Variants in DRD3 observed in about 807,000 individuals in gnomAD.
DRD3 encodes D(3) dopamine receptor.
Under a neutral mutation model 36.3 loss-of-function variants are expected in DRD3, and 19 were observed. That is an observed-to-expected ratio of 0.52 (90% CI 0.36 to 0.77). The LOEUF (loss-of-function observed/expected upper bound fraction) is 0.77. Ranked by LOEUF, DRD3 falls within the 30% of genes least tolerant of loss-of-function variation. The pLI is 0.00. For synonymous variants in DRD3, 195 were observed against 203.7 expected, an observed-to-expected ratio of 0.96 and a Z score of 0.36; for missense variants, 465 against 505.3, an observed-to-expected ratio of 0.92 and a Z score of 0.77.
chr3:114,147,766 G>A (rs554837961), intron 3 of DRD3, among the ~76,000 whole-genome samples: 12 of 152,180 alleles, frequency 7.9e-5, no homozygotes, highest in Non-Finnish European at 1.6e-4. Flanking sequence ...ATATGCCTGT[G>A]CCGCCACCAC....
intron 1 of DRD3, among the ~76,000 whole-genome samples, chr3:114,186,872 C>CT (rs1491486512): frequency 6.6e-6 from 1 of 152,164 alleles, no homozygotes; most frequent in Non-Finnish European, 1.5e-5. Context: ...AAATCATCCC[C>CT]TTTTTTCCAT....
chr3:114,144,128 C>G (rs2077550699), intron 4 of DRD3, among the ~76,000 whole-genome samples: 5 of 152,220 alleles, frequency 3.3e-5, no homozygotes, highest in Admixed American at 3.3e-4. Context: ...TGCCTCGGAA[C>G]TCTCTCACCC....
At chr3:114,174,438 C>T (rs935355986) in intron 1 of DRD3, among the ~76,000 whole-genome samples, 2 of 152,174 alleles carry the variant, frequency 1.3e-5, no homozygotes, top group African/African-American at 4.8e-5. Flanking sequence ...TTTACTCTGC[C>T]AAGAGGTTTG....
At chr3:114,176,205 CAAAT>C (rs2077897322) in intron 1 of DRD3, 2 of 152,158 alleles carry the variant, frequency 1.3e-5, no homozygotes, top group African/African-American at 4.8e-5. Context: ...TGTAAGAAAA[CAAAT>C]GAAGATGAAG....
chr3:114,131,276 C>A lies in DRD3; in HGVS notation c.848G>T (p.Arg283Leu). 1 of 1,614,180 alleles carries A rather than the reference C, an allele frequency of 6.2e-7. No homozygotes were observed. Among genetic ancestry groups the A allele is most frequent in the Non-Finnish European group, 8.5e-7 (1 of 1,180,032 alleles). Residue 283 changes from arginine (R) to leucine (L), a missense_variant, in exon 6 of 7, where the codon CGG becomes CTG. Physicochemically the swap from Arg to Leu is moderately radical, Grantham distance 102. Coordinates refer to ENST00000383673, the MANE Select transcript of DRD3 (RefSeq NM_000796.6). ...GGELKREEKT[R>L]NSLSPTIAPK... ...CGCTATGGTGGGACTCAGGGAATTC[C>A]GAGTCTTCTCCTCTCTTTTCAACTC... is the stretch of plus-strand genomic sequence containing the variant.
At chr3:114,137,350 T>A (rs2077483450) in intron 5 of DRD3, among the ~76,000 whole-genome samples, 1 of 152,196 alleles carries the variant, frequency 6.6e-6, no homozygotes, top group Admixed American at 6.5e-5. Flanking sequence ...GAACAGTTAG[T>A]TGTGGGTCTA....
chr3:114,180,824 A>G (rs923907694), upstream of DRD3, among the ~76,000 whole-genome samples: 7 of 152,162 alleles, frequency 4.6e-5, no homozygotes, highest in African/African-American at 1.4e-4. Context: ...GGATAAGGGG[A>G]CCAAGAGAAT....
At chr3:114,133,279 G>A (rs1034852227) in intron 5 of DRD3, among the ~76,000 whole-genome samples, 8 of 152,150 alleles carry the variant, frequency 5.3e-5, no homozygotes, top group Non-Finnish European at 1.0e-4. Context: ...GTGAGCCACC[G>A]TGCCTGGCCA....
intron 4 of DRD3, among the ~76,000 whole-genome samples, chr3:114,146,736 T>C (rs2077573171): frequency 6.8e-6 from 1 of 146,638 alleles, no homozygotes; most frequent in Non-Finnish European, 1.5e-5. Context: ...AGAAAAAAAA[T>C]TAGTGAGGCT....
chr3:114,197,681 A>G (rs1416219597), intron 1 of DRD3, among the ~76,000 whole-genome samples: 4 of 152,228 alleles, frequency 2.6e-5, no homozygotes, highest in South Asian at 2.1e-4. Context: ...GTTTTCTACC[A>G]ACTTTTGTTG....
intron 3 of DRD3, among the ~76,000 whole-genome samples, chr3:114,149,223 G>A (rs1171676326): frequency 6.6e-6 from 1 of 152,196 alleles, no homozygotes; most frequent in Non-Finnish European, 1.5e-5. Flanking sequence ...ACTGGGTGAT[G>A]TGTTAGAGAA....
At chr3:114,132,807 C>T (rs1424680656) in intron 5 of DRD3, among the ~76,000 whole-genome samples, 5 of 152,276 alleles carry the variant, frequency 3.3e-5, no homozygotes, top group Admixed American at 1.3e-4. Context: ...ACAACAATGA[C>T]AATACTTACC....
intron 3 of DRD3, among the ~76,000 whole-genome samples, chr3:114,157,055 T>C (rs1002965797): frequency 2.0e-5 from 3 of 151,044 alleles, no homozygotes; most frequent in Non-Finnish European, 4.4e-5. Context: ...TTTTTTTTCT[T>C]TCTTTCTTGT....
At chr3:114,153,993 A>G (rs1291927608) in intron 3 of DRD3, among the ~76,000 whole-genome samples, 2 of 152,232 alleles carry the variant, frequency 1.3e-5, no homozygotes, top group Non-Finnish European at 2.9e-5. Flanking sequence ...GCATAGAGGT[A>G]GCCAGGGCAT....
At chr3:114,194,365 C>G (rs969019802) in intron 1 of DRD3, among the ~76,000 whole-genome samples, 5 of 152,148 alleles carry the variant, frequency 3.3e-5, no homozygotes, top group African/African-American at 1.2e-4. Flanking sequence ...TGACTGCAAC[C>G]TTGGCCTCCT....
At chr3:114,156,521 A>G (rs572758858) in intron 3 of DRD3, among the ~76,000 whole-genome samples, 13 of 143,032 alleles carry the variant, frequency 9.1e-5, no homozygotes, top group African/African-American at 1.3e-4. Flanking sequence ...CCTCCTATTT[A>G]TTTTAGGATC....
At chr3:114,177,817 T>A (rs2077915631) in intron 1 of DRD3, among the ~76,000 whole-genome samples, 1 of 152,146 alleles carries the variant, frequency 6.6e-6, no homozygotes, top group East Asian at 1.9e-4. Context: ...CTATAAGACA[T>A]CCTAATGCCA....
chr3:114,181,882 C>T (rs934197028), upstream of DRD3, among the ~76,000 whole-genome samples: 1 of 152,126 alleles, frequency 6.6e-6, no homozygotes, highest in Non-Finnish European at 1.5e-5. Flanking sequence ...TTGAGTACAC[C>T]ACTTTAAACC....
chr3:114,179,899 G>A (rs535666513), upstream of DRD3, among the ~76,000 whole-genome samples: 4 of 152,222 alleles, frequency 2.6e-5, no homozygotes, highest in South Asian at 8.3e-4. Flanking sequence ...TGTACTTTTA[G>A]CCAGTCATTT....
Sources: allele counts gnomAD v4.1 joint callset (sites outside exome capture counted in the v4.1 genomes callset), GRCh38; gene constraint gnomAD v4.1.1; transcripts MANE v1.5; gene names NCBI Gene and HGNC (gene_info 2026-07-23, HGNC 2026-07-21).